The following AK9 variants were observed in gnomAD, a reference collection of about 807,000 sequenced individuals.
The protein encoded by AK9 is adenylate kinase domain containing 1.
In AK9, 191 loss-of-function variants were observed where a neutral mutation model predicts 239.6. The observed-to-expected ratio is 0.80, with a 90% CI of 0.71 to 0.90. The LOEUF is 0.90. Ranked by LOEUF, AK9 falls within the 40% of genes least tolerant of loss-of-function variation. The pLI, the probability that AK9 is intolerant of heterozygous loss-of-function variation, is 0.00. For missense variants in AK9, 1,995 were observed against 2,214.7 expected, an observed-to-expected ratio of 0.90 and a Z score of 1.99; for synonymous variants, 689 against 721.0, an observed-to-expected ratio of 0.96 and a Z score of 0.71.
intron 5 of AK9, among the ~76,000 whole-genome samples, chr6:109,666,699 C>A (rs1277020094): frequency 6.6e-6 from 1 of 152,198 alleles, no homozygotes; most frequent in Non-Finnish European, 1.5e-5. Context: ...ATGAAGATGG[C>A]AGACTACTGC....
intron 17 of AK9, among the ~76,000 whole-genome samples, 184 bp downstream of exon 17, chr6:109,610,181 G>C (rs559906024): frequency 6.6e-6 from 1 of 152,258 alleles, no homozygotes; most frequent in South Asian, 2.1e-4. Flanking sequence ...ATTTACCAAA[G>C]AGCATCAGTA....
chr6:109,538,389 T>C (rs928952017), intron 27 of AK9, among the ~76,000 whole-genome samples: 11 of 152,226 alleles, frequency 7.2e-5, no homozygotes, highest in African/African-American at 2.7e-4. Context: ...TGATCTTTGT[T>C]GGTTGAAAGT....
intron 8 of AK9, among the ~76,000 whole-genome samples, chr6:109,652,439 C>T (rs1799103547): frequency 6.6e-6 from 1 of 152,158 alleles, no homozygotes; most frequent in South Asian, 2.1e-4. Flanking sequence ...AAACCCACAG[C>T]TCAGGAGTTT....
In AK9 at chr6:109,506,401, A is replaced by C; in HGVS notation, c.4775T>G (p.Val1592Gly). 6.2e-7 allele frequency: 1 copy of C among 1,613,788 alleles called. No individual in the cohort carries two copies. The change falls in exon 35 of 41, where the codon GTA (valine) becomes GGA (glycine). Residue 1592 changes from valine (V) to glycine (G), a missense_variant. By Grantham distance (109) the Val-to-Gly change is moderately radical. Around this residue, in one of 5 missense-constraint regions of AK9, gnomAD observed 391 missense variants for 456.0 expected, o/e 0.86. Coordinates refer to ENST00000424296, the MANE Select transcript of AK9 (RefSeq NM_001145128.3). ...VIDGFHSKWW[V>G]WNEVIKNVQM... ...AACATTCTTAATGACTTCATTCCAT[A>C]CCCACCATTTGCTGTGAAATCCATC...
At chr6:109,545,795 C>G in intron 26 of AK9, 72 bp downstream of exon 26, 1 of 1,507,000 alleles carries the variant, frequency 6.6e-7, no homozygotes, top group Non-Finnish European at 8.9e-7. Context: ...AGATGGAGAC[C>G]CTGTCTCAAA....
At chr6:109,538,930 GC>G in intron 27 of AK9, among the ~76,000 whole-genome samples, 1 of 152,146 alleles carries the variant, frequency 6.6e-6, no homozygotes, top group Admixed American at 6.5e-5. Context: ...TTGAATATTG[GC>G]CCCCACTCTC....
At chr6:109,497,599 T>G (rs767002176) in intron 37 of AK9, 36 bp from the exon 38 acceptor site, 5 of 1,431,930 alleles carry the variant, frequency 3.5e-6, no homozygotes, top group Non-Finnish European at 4.9e-6. Flanking sequence ...ACCTCTATTG[T>G]ATAATTAATA....
At chr6:109,641,142 A>AAT (rs34481434) in intron 10 of AK9, among the ~76,000 whole-genome samples, 113 of 145,362 alleles carry the variant, frequency 7.8e-4, no homozygotes, top group Middle Eastern at 3.6e-3. Context: ...TATATGAATA[A>AAT]ATATATATAT....
intron 21 of AK9, among the ~76,000 whole-genome samples, chr6:109,573,094 A>C (rs1417199563): frequency 6.6e-6 from 1 of 152,246 alleles, no homozygotes; most frequent in African/African-American, 2.4e-5. Context: ...AACATTAAAT[A>C]GCAAACAAAA....
intron 24 of AK9, among the ~76,000 whole-genome samples, chr6:109,562,419 C>T (rs1243536735): frequency 2.0e-5 from 3 of 152,010 alleles, no homozygotes; most frequent in Admixed American, 6.6e-5. Context: ...ACTGTTTTAC[C>T]GTCCTTGTCA....
chr6:109,550,439 T>C (rs1041963764), intron 24 of AK9, 137 bp from the exon 25 acceptor site: 68 of 638,386 alleles, frequency 1.1e-4, no homozygotes, highest in Non-Finnish European at 1.5e-4. Context: ...AGTCCTTATA[T>C]TATTTTAATT....
intron 20 of AK9, among the ~76,000 whole-genome samples, chr6:109,574,296 C>G (rs1787793522): frequency 6.6e-6 from 1 of 152,104 alleles, no homozygotes; most frequent in South Asian, 2.1e-4. Flanking sequence ...ATCGCTTGAA[C>G]CCAGGAGGTG....
At chr6:109,558,429 TC>T (rs1419698131) in intron 24 of AK9, among the ~76,000 whole-genome samples, 1 of 152,192 alleles carries the variant, frequency 6.6e-6, no homozygotes, top group Non-Finnish European at 1.5e-5. Flanking sequence ...GGTTCAAAGT[TC>T]ATTATTTTGC....
At chr6:109,570,322 CTAATG>C (rs1462351120) in intron 21 of AK9, among the ~76,000 whole-genome samples, 1 of 151,880 alleles carries the variant, frequency 6.6e-6, no homozygotes, top group Admixed American at 6.6e-5. Context: ...GGAGGTATAC[CTAATG>C]TAATGACGAG....
At chr6:109,579,064 T>C (rs1788485513) in intron 20 of AK9, among the ~76,000 whole-genome samples, 1 of 140,788 alleles carries the variant, frequency 7.1e-6, no homozygotes, top group Non-Finnish European at 1.6e-5. Context: ...GGGTGTAGTT[T>C]AAGTCCACTG....
chr6:109,611,573 T>G (rs1793588954), intron 16 of AK9, among the ~76,000 whole-genome samples: 1 of 152,138 alleles, frequency 6.6e-6, no homozygotes, highest in South Asian at 2.1e-4. Flanking sequence ...GTGCACATGT[T>G]TGTGTGTGTG....
intron 10 of AK9, among the ~76,000 whole-genome samples, chr6:109,635,903 C>T (rs1376164249): frequency 1.3e-5 from 2 of 152,184 alleles, no homozygotes; most frequent in Admixed American, 1.3e-4. Context: ...TGAAGCCAAC[C>T]CTGCCCCTGC....
At chr6:109,579,014 T>C (rs915703894) in intron 20 of AK9, among the ~76,000 whole-genome samples, 10 of 152,322 alleles carry the variant, frequency 6.6e-5, no homozygotes, top group Admixed American at 2.0e-4. Flanking sequence ...AGTTGTTGGG[T>C]AGAATGTTCT....
intron 17 of AK9, among the ~76,000 whole-genome samples, chr6:109,604,193 C>T (rs1792526165): frequency 6.6e-6 from 1 of 152,090 alleles, no homozygotes; most frequent in South Asian, 2.1e-4. Context: ...TGGAGCTGTT[C>T]CTATTTGGCC....
Sources: gnomAD v4.1 joint callset for allele counts (sites outside exome capture counted in the v4.1 genomes callset) on GRCh38, gnomAD v4.1.1 for gene constraint, gnomAD v4.1.1 regional missense constraint, MANE v1.5 for transcripts, NCBI Gene and HGNC (gene_info 2026-07-23, HGNC 2026-07-21) for gene names.